The following FBXO17 variants were observed in gnomAD, a reference collection of about 807,000 sequenced individuals.
FBXO17 encodes F-box protein 17.
A neutral mutation model predicts 34.1 loss-of-function variants in FBXO17; 43 were observed. The observed-to-expected ratio is 1.26, with a 90% CI of 0.99 to 1.62. The LOEUF (loss-of-function observed/expected upper bound fraction) is 1.62, where lower values mean the gene tolerates loss of function less well. Among genes scored for constraint, FBXO17 ranks in the 40% most tolerant of loss-of-function variants. The probability of loss-of-function intolerance (pLI) is 0.00; values close to 1 mark genes in which losing one functional copy is unlikely to be tolerated. For missense variants in FBXO17, 424 were observed against 386.7 expected (o/e 1.10, Z -0.81); for synonymous variants, 169 against 166.0 (o/e 1.02, Z -0.14).
intron 1 of FBXO17, among the ~76,000 whole-genome samples, chr19:38,968,996 C>T (rs1248871081): frequency 6.6e-6 from 1 of 151,916 alleles, no homozygotes; most frequent in East Asian, 1.9e-4. Context: ...CACTAAAAGC[C>T]ACAAAGTTGT....
intron 1 of FBXO17, among the ~76,000 whole-genome samples, chr19:38,952,407 G>A (rs143443023): frequency 6.6e-6 from 1 of 152,282 alleles, no homozygotes; most frequent in Non-Finnish European, 1.5e-5. Flanking sequence ...ATCTCTTCTT[G>A]CCTCAGTTAC....
chr19:38,948,458 A>T, intron 3 of FBXO17, 109 bp downstream of exon 3: 1 of 748,558 alleles, frequency 1.3e-6, no homozygotes. Flanking sequence ...GAATAAATAA[A>T]TGGGGGAAGG....
At chr19:38,973,984 ATTTGAT>A (rs946799057) in intron 1 of FBXO17, among the ~76,000 whole-genome samples, 74 of 111,532 alleles carry the variant, frequency 6.6e-4, no homozygotes, top group African/African-American at 2.4e-3. Flanking sequence ...ATTTGATTTG[ATTTGAT>A]TTGAGACAGG....
intron 1 of FBXO17, among the ~76,000 whole-genome samples, chr19:38,970,097 A>G (rs1321074098): frequency 6.6e-6 from 1 of 152,120 alleles, no homozygotes; most frequent in Non-Finnish European, 1.5e-5. Context: ...GGACTACTAT[A>G]TAGCACAATA....
chr19:38,944,502 CTAAAGT>C (rs1349842980), intron 5 of FBXO17, among the ~76,000 whole-genome samples: 3 of 152,102 alleles, frequency 2.0e-5, no homozygotes, highest in African/African-American at 4.8e-5. Context: ...TCTTGGCCTC[CTAAAGT>C]GGTGGGATTA....
At chr19:38,964,073 C>G (rs749262774) in intron 1 of FBXO17, among the ~76,000 whole-genome samples, 1 of 152,100 alleles carries the variant, frequency 6.6e-6, no homozygotes, top group Admixed American at 6.6e-5. Context: ...AGTGAGCCAT[C>G]GTGTCCAGCC....
intron 1 of FBXO17, among the ~76,000 whole-genome samples, chr19:38,969,795 A>T (rs1975368523): frequency 6.6e-6 from 1 of 151,934 alleles, no homozygotes; most frequent in Non-Finnish European, 1.5e-5. Context: ...ACAGGGTTTC[A>T]CCACGTTGGC....
At chr19:38,971,740 CTG>C (rs1975393599) in intron 1 of FBXO17, among the ~76,000 whole-genome samples, 1 of 151,012 alleles carries the variant, frequency 6.6e-6, no homozygotes, top group Admixed American at 6.6e-5. Flanking sequence ...TGAGCCAAGA[CTG>C]TGCCACTGCA....
chr19:38,959,365 A>G (rs1600199099), intron 1 of FBXO17, among the ~76,000 whole-genome samples: 1 of 143,036 alleles, frequency 7.0e-6, no homozygotes. Flanking sequence ...TGCAATCTCC[A>G]CCTCCTGGAT....
At position 38,948,484 on chromosome 19, in the gene FBXO17, C is replaced by T. The variant is rs549167564; in HGVS notation, c.461+83G>A. ...TGGGGGAAGGAGAGGGTGAAGGTGACGATGAGGACAGTGTGGGGGGTAGGG... is the reference window on the plus strand; with the variant it reads ...TGGGGGAAGGAGAGGGTGAAGGTGATGATGAGGACAGTGTGGGGGGTAGGG... On this transcript the variant is annotated intron_variant, in intron 3 of 5. Coordinates refer to ENST00000292852, the MANE Select transcript of FBXO17 (RefSeq NM_024907.7). 1.6e-5 allele frequency: 16 copies of T among 983,508 alleles called. No homozygotes were observed. The East Asian group carries it at 2.3e-4, about 14-fold the overall frequency. The allele number at this position is 983,508 out of a possible 1,614,324, so 60.9% of individuals were successfully genotyped here. A position where few individuals can be genotyped will look rare whatever the true frequency, so the allele number is the denominator to read the frequency against.
chr19:38,944,748 G>A lies in FBXO17; in HGVS notation c.693+221C>T. 3 of 618,166 alleles carry A rather than the reference G, an allele frequency of 4.9e-6. No individual in the cohort carries two copies. The South Asian group carries it at 6.3e-5, about 13-fold the overall frequency. The allele number at this position is 618,166 out of a possible 1,614,324, so 38.3% of individuals were successfully genotyped here. On this transcript the variant is annotated intron_variant, in intron 5 of 5. Coordinates refer to ENST00000292852, the MANE Select transcript of FBXO17 (RefSeq NM_024907.7). ...GAGTGGTGCCCAGCACACAGTAGGT[G>A]CTCAATCAGTGTTTGTTGAACATTA...
At chr19:38,943,330 G>A (rs1347040586) in intron 5 of FBXO17, among the ~76,000 whole-genome samples, 3 of 152,104 alleles carry the variant, frequency 2.0e-5, no homozygotes, top group Admixed American at 6.5e-5. Flanking sequence ...CTGGAGTACA[G>A]TGGCATGATT....
At position 38,973,861 on chromosome 19, in the gene FBXO17, T is replaced by C. The variant is rs1483117033; in HGVS notation, c.-18+1725A>G. On this transcript the variant is annotated intron_variant, in intron 1 of 5. Coordinates refer to ENST00000292852, the MANE Select transcript of FBXO17 (RefSeq NM_024907.7). ...GGTTTGGTGGGGGGGCGTGCACCTGTAGCCCTAGTTACTCAGGAGGCTGAG... is the reference window on the plus strand; with the variant it reads ...GGTTTGGTGGGGGGGCGTGCACCTGCAGCCCTAGTTACTCAGGAGGCTGAG... 2.0e-5 allele frequency among the ~76,000 whole-genome samples: 3 copies of C among 151,258 alleles called. No individual in the cohort carries two copies. In the East Asian group the frequency reaches 5.9e-4, roughly 30 times the overall value.
intron 1 of FBXO17, among the ~76,000 whole-genome samples, chr19:38,969,367 CA>C (rs1366986783): frequency 6.7e-6 from 1 of 148,178 alleles, no homozygotes; most frequent in Non-Finnish European, 1.5e-5. Context: ...CGCTTGAGCC[CA>C]GAAGTTGAGG....
At chr19:38,962,202 AT>A (rs1975261531) in intron 1 of FBXO17, among the ~76,000 whole-genome samples, 1 of 151,408 alleles carries the variant, frequency 6.6e-6, no homozygotes, top group Non-Finnish European at 1.5e-5. Context: ...AAAAAAAAAA[AT>A]AAAAAAAAAT....
intron 1 of FBXO17, among the ~76,000 whole-genome samples, chr19:38,972,586 A>G (rs1429922076): frequency 6.6e-6 from 1 of 151,132 alleles, no homozygotes; most frequent in Non-Finnish European, 1.5e-5. Context: ...GAATCTTGGT[A>G]TATTGGACTC....
At chr19:38,953,859 G>A (rs574589175) in intron 1 of FBXO17, among the ~76,000 whole-genome samples, 6 of 152,198 alleles carry the variant, frequency 3.9e-5, no homozygotes, top group Non-Finnish European at 8.8e-5. Flanking sequence ...GCAGGAGAAC[G>A]GGTGTGGGCA....
intron 2 of FBXO17, among the ~76,000 whole-genome samples, 169 bp from the exon 3 acceptor site, chr19:38,948,847 C>G (rs977951022): frequency 3.9e-5 from 6 of 152,188 alleles, no homozygotes; most frequent in Non-Finnish European, 8.8e-5. Flanking sequence ...CTGGTCCTAC[C>G]CCACAACTGT....
At chr19:38,948,206 C>A (rs1196718821) in intron 3 of FBXO17, among the ~76,000 whole-genome samples, 1 of 150,132 alleles carries the variant, frequency 6.7e-6, no homozygotes, top group Non-Finnish European at 1.5e-5. Flanking sequence ...GCACTCCTGA[C>A]CTAAAGTGAT....
Sources: allele counts gnomAD v4.1 joint callset (sites outside exome capture counted in the v4.1 genomes callset), GRCh38; gene constraint gnomAD v4.1.1; transcripts MANE v1.5; gene names NCBI Gene and HGNC (gene_info 2026-07-23, HGNC 2026-07-21).